SUSD3: variants seen among roughly 807,000 people sequenced by gnomAD.
SUSD3 encodes the protein sushi domain containing 3.
A neutral mutation model predicts 20.6 loss-of-function variants in SUSD3; 18 were observed. That is an observed-to-expected ratio of 0.87 (90% confidence interval 0.60 to 1.30). SUSD3 has a LOEUF of 1.30. Ranked by LOEUF, SUSD3 falls within the 50% of genes most tolerant of loss-of-function variation. SUSD3 has a pLI of 0.00. For synonymous variants in SUSD3, 137 were observed against 141.5 expected (o/e 0.97, Z 0.23); for missense variants, 306 against 346.9 (o/e 0.88, Z 0.94).
At chr9:93,060,475 C>T (rs746189163) in intron 1 of SUSD3, among the ~76,000 whole-genome samples, 1 of 152,144 alleles carries the variant, frequency 6.6e-6, no homozygotes, top group Non-Finnish European at 1.5e-5. Flanking sequence ...GTTTCTTGCT[C>T]TGTGAAATGT....
At chr9:93,063,151 C>T (rs529117596) in intron 1 of SUSD3, among the ~76,000 whole-genome samples, 15 of 152,294 alleles carry the variant, frequency 9.8e-5, no homozygotes, top group African/African-American at 3.4e-4. Flanking sequence ...CCACTGGGGC[C>T]TGGAGGGTTG....
intron 1 of SUSD3, among the ~76,000 whole-genome samples, chr9:93,061,023 C>T (rs1825483306): frequency 6.6e-6 from 1 of 152,208 alleles, no homozygotes. Context: ...GGGAGAAGGG[C>T]AGGGCGCGGG....
chr9:93,084,661 C>T lies in SUSD3; in HGVS notation c.682C>T (p.His228Tyr), dbSNP rs781336796. ...CTCACCCCAAGCCCAGGTGATGGTG[C>T]ACATGGCAAACCCCAGACAGCCCCT... is the stretch of plus-strand genomic sequence containing the variant. The part of the protein sequence containing the change: ...SSSPQAQVMV[H>Y]MANPRQPLPA... Residue 228 changes from histidine to tyrosine, a missense_variant, in exon 5 of 5, where the codon CAC becomes TAC. By Grantham distance (83) the His-to-Tyr change is moderately conservative. Transcript: ENST00000375472. 8.7e-6 allele frequency: 14 copies of T among 1,608,132 alleles called. No individual in the cohort carries two copies. The highest frequency in any genetic ancestry group is 6.8e-5 in the Admixed American group (4 of 58,960).
intron 1 of SUSD3, among the ~76,000 whole-genome samples, chr9:93,075,406 TC>T (rs1826087637): frequency 5.0e-5 from 7 of 139,626 alleles, no homozygotes; most frequent in Admixed American, 4.9e-4. Context: ...TCTCTCTCTG[TC>T]CCTCTTTTTT....
chr9:93,074,431 C>CAAAAA (rs56872294), intron 1 of SUSD3, among the ~76,000 whole-genome samples: 3 of 38,870 alleles, frequency 7.7e-5, no homozygotes, highest in African/African-American at 1.7e-4. Context: ...GACTCTGACT[C>CAAAAA]AAAAAAAAAA....
At chr9:93,079,923 C>T (rs1428576401) in intron 4 of SUSD3, among the ~76,000 whole-genome samples, 1 of 152,234 alleles carries the variant, frequency 6.6e-6, no homozygotes, top group African/African-American at 2.4e-5. Flanking sequence ...GCTGCAGTCA[C>T]TTGCTCTCCC....
At chr9:93,080,181 T>A (rs1328528177) in intron 4 of SUSD3, among the ~76,000 whole-genome samples, 4 of 151,868 alleles carry the variant, frequency 2.6e-5, no homozygotes, top group Non-Finnish European at 4.4e-5. Context: ...TACCTGGGTG[T>A]GGCGGAGTGT....
chr9:93,072,741 G>A (rs112585240), intron 1 of SUSD3, among the ~76,000 whole-genome samples: 181 of 152,352 alleles, frequency 1.2e-3, no homozygotes, highest in Non-Finnish European at 1.6e-3. Context: ...GCAGCCTACC[G>A]CAGATGTCTT....
At chr9:93,073,118 G>A (rs1825976093) in intron 1 of SUSD3, among the ~76,000 whole-genome samples, 1 of 152,112 alleles carries the variant, frequency 6.6e-6, no homozygotes, top group Admixed American at 6.5e-5. Context: ...ATCTCTGGGT[G>A]TCAGTCCCTG....
intron 1 of SUSD3, among the ~76,000 whole-genome samples, chr9:93,065,939 A>C (rs1825693150): frequency 6.6e-6 from 1 of 152,232 alleles, no homozygotes; most frequent in South Asian, 2.1e-4. Flanking sequence ...AGCGAGAGTC[A>C]GCCCAGGGTT....
chr9:93,079,569 C>T lies in SUSD3; in HGVS notation c.524C>T (p.Pro175Leu), dbSNP rs1826322099. ...CACTTCAACAAACCCGTGAGCGGGC[C>T]CAGCCAGGCGCACGACAACCACAGC... ...LKHFNKPVSG[P>L]SQAHDNHSFT... The change falls in exon 4 of 5, where the codon CCC (proline) becomes CTC (leucine). Residue 175 changes from proline to leucine, a missense_variant. By Grantham distance (98) the Pro-to-Leu change is moderately conservative (BLOSUM62 -3). Coordinates refer to ENST00000375472, the MANE Select transcript of SUSD3 (RefSeq NM_145006.4). 1 of 1,613,894 alleles carries T rather than the reference C, an allele frequency of 6.2e-7. No individual in the cohort carries two copies. The highest frequency in any genetic ancestry group is 8.5e-7 in the Non-Finnish European group (1 of 1,180,008).
At chr9:93,078,737 A>G (rs970450734) in intron 3 of SUSD3, among the ~76,000 whole-genome samples, 2 of 151,990 alleles carry the variant, frequency 1.3e-5, no homozygotes, top group African/African-American at 4.8e-5. Context: ...TTTTTTCCCC[A>G]TGGTAATTTA....
At chr9:93,078,114 C>A in intron 3 of SUSD3, 121 bp downstream of exon 3, 2 of 1,349,960 alleles carry the variant, frequency 1.5e-6, no homozygotes, top group Non-Finnish European at 2.0e-6. Flanking sequence ...CCGTTCCTAC[C>A]ACTGCTGCTC....
At chr9:93,084,386 CA>C in intron 4 of SUSD3, 150 bp from the exon 5 acceptor site, 1 of 646,548 alleles carries the variant, frequency 1.5e-6, no homozygotes, top group Non-Finnish European at 2.5e-6. Flanking sequence ...GGGTGCAGGG[CA>C]GCTCCCAGCA....
At chr9:93,067,834 G>A (rs1405572507) in intron 1 of SUSD3, among the ~76,000 whole-genome samples, 1 of 152,194 alleles carries the variant, frequency 6.6e-6, no homozygotes, top group African/African-American at 2.4e-5. Context: ...CTAACCTCAA[G>A]TGATCCAGCC....
At chr9:93,063,516 C>G (rs984995793) in intron 1 of SUSD3, among the ~76,000 whole-genome samples, 1 of 152,188 alleles carries the variant, frequency 6.6e-6, no homozygotes, top group Non-Finnish European at 1.5e-5. Context: ...GCCCACCCAA[C>G]TGGGGGCTAA....
At chr9:93,059,240 C>G (rs968193515) in intron 1 of SUSD3, among the ~76,000 whole-genome samples, 1 of 152,162 alleles carries the variant, frequency 6.6e-6, no homozygotes, top group Non-Finnish European at 1.5e-5. Flanking sequence ...GGAGCCCTCT[C>G]TGCGCCTGAG....
chr9:93,076,034 T>C (rs1269107811), intron 2 of SUSD3, 62 bp downstream of exon 2: 1 of 1,433,710 alleles, frequency 7.0e-7, no homozygotes, highest in Non-Finnish European at 9.5e-7. Flanking sequence ...AATCCTGTCA[T>C]GGGGATGGTG....
intron 1 of SUSD3, among the ~76,000 whole-genome samples, chr9:93,063,336 C>T (rs1825579711): frequency 6.6e-6 from 1 of 152,200 alleles, no homozygotes; most frequent in Admixed American, 6.5e-5. Flanking sequence ...CCAAGATCTC[C>T]ATAGGGCAGT....
Sources: allele counts gnomAD v4.1 joint callset (sites outside exome capture counted in the v4.1 genomes callset), GRCh38; gene constraint gnomAD v4.1.1; transcripts MANE v1.5; gene names NCBI Gene and HGNC (gene_info 2026-07-23, HGNC 2026-07-21).